TRDN: variants seen among roughly 807,000 people sequenced by gnomAD.
TRDN encodes triadin in skeletal muscle.
In TRDN, 161 loss-of-function variants were observed where a neutral mutation model predicts 149.7. The ratio of observed to expected loss-of-function variants is 1.08; its 90% CI spans 0.95 to 1.23. The LOEUF (loss-of-function observed/expected upper bound fraction) is 1.23, where lower values mean the gene tolerates loss of function less well. Among genes scored for constraint, TRDN ranks in the 50% most tolerant of loss-of-function variants. The pLI, the probability that TRDN is intolerant of heterozygous loss-of-function variation, is 0.00. For synonymous variants in TRDN, 294 were observed against 250.5 expected, an observed-to-expected ratio of 1.17 and a Z score of -1.64; for missense variants, 896 against 823.5, an observed-to-expected ratio of 1.09 and a Z score of -1.08.
chr6:123,362,706 G>A (rs1359297877), intron 20 of TRDN, among the ~76,000 whole-genome samples: 1 of 152,100 alleles, frequency 6.6e-6, no homozygotes, highest in East Asian at 1.9e-4. Flanking sequence ...TACCCTGATG[G>A]CTTTCAACCT....
At chr6:123,381,252 G>T in intron 16 of TRDN, 118 bp downstream of exon 16, 1 of 925,792 alleles carries the variant, frequency 1.1e-6, no homozygotes, top group Non-Finnish European at 1.6e-6. Flanking sequence ...AAACAACAGA[G>T]TTCACATGCA....
At chr6:123,283,943 CT>C (rs913892924) in intron 24 of TRDN, among the ~76,000 whole-genome samples, 2 of 121,828 alleles carry the variant, frequency 1.6e-5, no homozygotes, top group African/African-American at 6.5e-5. Context: ...CCATTTCAGT[CT>C]CTAAATGATG....
At chr6:123,552,300 A>G (rs1203332410) in intron 2 of TRDN, among the ~76,000 whole-genome samples, 6 of 152,046 alleles carry the variant, frequency 3.9e-5, no homozygotes, top group Admixed American at 1.3e-4. Context: ...TAAGATTTTT[A>G]TTTGTCCTCT....
chr6:123,266,129 AT>A (rs1262634294), intron 32 of TRDN, among the ~76,000 whole-genome samples: 4 of 117,126 alleles, frequency 3.4e-5, no homozygotes, highest in South Asian at 2.4e-4. Flanking sequence ...TATTATATAT[AT>A]TATAATATGT....
At chr6:123,519,737 A>AC (rs1239089472) in intron 5 of TRDN, among the ~76,000 whole-genome samples, 5 of 152,036 alleles carry the variant, frequency 3.3e-5, no homozygotes, top group African/African-American at 9.7e-5. Context: ...CAAAAAAAAA[A>AC]AATCAGATGG....
chr6:123,437,125 T>C (rs1195524096), intron 12 of TRDN, among the ~76,000 whole-genome samples: 1 of 151,970 alleles, frequency 6.6e-6, no homozygotes, highest in Admixed American at 6.5e-5. Flanking sequence ...TGTCAAATAG[T>C]TGAATAACCT....
intron 1 of TRDN, among the ~76,000 whole-genome samples, chr6:123,584,151 G>T (rs1393700963): frequency 6.6e-6 from 1 of 152,136 alleles, no homozygotes; most frequent in East Asian, 1.9e-4. Context: ...GTCGGGTGTG[G>T]TATCAGGAAT....
At position 123,218,639 on chromosome 6, in the gene TRDN, G is replaced by T. The variant is rs1359137304; in HGVS notation, c.2152C>A (p.Gln718Lys). Reference protein sequence around the residue: ...PADRPGESSGQANSPGQKQQG... With the variant: ...PADRPGESSGKANSPGQKQQG... ...TGCTTCTGTCCTGGAGAATTTGCTTGACCAGAGCTCTCTCCAGGGCGGTCT... is the reference window on the plus strand; with the variant it reads ...TGCTTCTGTCCTGGAGAATTTGCTTTACCAGAGCTCTCTCCAGGGCGGTCT... Residue 718 changes from glutamine (Q) to lysine (K), a missense_variant, in exon 41 of 41, where the codon CAA (glutamine) becomes AAA (lysine). Transcript: ENST00000334268. 1 of 1,611,598 alleles carries T rather than the reference G, an allele frequency of 6.2e-7. No individual in the cohort carries two copies. The highest frequency in any genetic ancestry group is 1.3e-5 in the African/African-American group (1 of 74,848).
At chr6:123,473,115 A>C (rs1321402457) in intron 9 of TRDN, among the ~76,000 whole-genome samples, 2 of 152,264 alleles carry the variant, frequency 1.3e-5, no homozygotes, top group Non-Finnish European at 1.5e-5. Context: ...ACAAGCTGAG[A>C]GAAGAAGGCT....
At chr6:123,469,616 C>A (rs867123862) in intron 9 of TRDN, 2 of 152,300 alleles carry the variant, frequency 1.3e-5, no homozygotes, top group Non-Finnish European at 2.9e-5. Context: ...CTGTACTTTG[C>A]GTTTCTTTTC....
Position 123,438,899 on chromosome 6 carries a change from G to C in TRDN, c.991+45C>G, listed in dbSNP as rs1719641616. 3 of 1,428,408 alleles carry C rather than the reference G, an allele frequency of 2.1e-6. No homozygotes were observed. In the South Asian group the frequency reaches 4.0e-5, roughly 19 times the overall value. The allele number at this position is 1,428,408 out of a possible 1,614,324, so 88.5% of individuals were successfully genotyped here. On this transcript the variant is annotated intron_variant, in intron 11 of 40. Transcript: ENST00000334268. ...TAGATTTACCAGTAGTATTATGCAT[G>C]GACACTAATTGATTTATGTGGTACA...
rs183856158 is a variant in TRDN, at chr6:123,571,689, A to T, written c.23-557T>A. ...AGTTTTAATCTCACCACCCAGAAAT[A>T]ACCACTGTTAATATTTTGCACGTAT... On this transcript the variant is annotated intron_variant, in intron 1 of 40. Coordinates refer to ENST00000334268, the MANE Select transcript of TRDN (RefSeq NM_006073.4). Among the ~76,000 whole-genome samples, 21 of 152,300 alleles carry T rather than the reference A, an allele frequency of 1.4e-4. No individual in the cohort carries two copies. In the East Asian group the frequency reaches 3.9e-3, roughly 28 times the overall value.
At chr6:123,613,411 A>T (rs1312319734) in intron 1 of TRDN, among the ~76,000 whole-genome samples, 1 of 152,212 alleles carries the variant, frequency 6.6e-6, no homozygotes, top group Admixed American at 6.5e-5. Context: ...ATCACTCTTA[A>T]CAGAAAGAGA....
intron 24 of TRDN, among the ~76,000 whole-genome samples, chr6:123,314,781 G>A (rs1405034701): frequency 6.6e-6 from 1 of 151,976 alleles, no homozygotes; most frequent in Non-Finnish European, 1.5e-5. Context: ...TTGTAAGCGG[G>A]AGCTAAATCA....
rs1170466883 is a variant in TRDN, at chr6:123,499,718, AAAT to A, written c.794-2469_794-2467del. ...GATTCTGGCTCAAAAAAAAAAAAAA[AAAT>A]ATATATATATATATATATATATAGT... is the stretch of plus-strand genomic sequence containing the variant. On this transcript the variant is annotated intron_variant, in intron 8 of 40. Transcript: ENST00000334268. Among the ~76,000 whole-genome samples the A allele has an allele frequency of 1.1e-3, 120 of 109,716 alleles. 1 individual carries two copies. The highest frequency in any genetic ancestry group is 4.0e-3 in the African/African-American group (118 of 29,440). 72.0% of individuals were successfully genotyped at this position (109,716 alleles called of 152,430 possible). A position where few individuals can be genotyped will look rare whatever the true frequency, so the allele number is the denominator to read the frequency against.
chr6:123,375,169 G>A (rs905864448), intron 19 of TRDN, among the ~76,000 whole-genome samples: 1 of 152,086 alleles, frequency 6.6e-6, no homozygotes, highest in Non-Finnish European at 1.5e-5. Context: ...CCTTAAAAGG[G>A]AATTGTCACA....
chr6:123,544,946 A>G (rs1327495826), intron 4 of TRDN, among the ~76,000 whole-genome samples: 1 of 151,976 alleles, frequency 6.6e-6, no homozygotes, highest in Non-Finnish European at 1.5e-5. Context: ...ATTATTCCAT[A>G]CCAAATTAAA....
intron 23 of TRDN, among the ~76,000 whole-genome samples, chr6:123,325,294 A>C (rs1216047380): frequency 6.6e-6 from 1 of 152,130 alleles, no homozygotes; most frequent in African/African-American, 2.4e-5. Context: ...ATTTCTCCTT[A>C]AAATACTTCA....
chr6:123,280,652 CTT>C (rs34195939), intron 24 of TRDN, among the ~76,000 whole-genome samples: 11 of 135,490 alleles, frequency 8.1e-5, no homozygotes, highest in Admixed American at 1.5e-4. Flanking sequence ...TCTTTTCTTT[CTT>C]TTTTTTTTTT....
Sources: allele counts gnomAD v4.1 joint callset (sites outside exome capture counted in the v4.1 genomes callset), GRCh38; gene constraint gnomAD v4.1.1; transcripts MANE v1.5; gene names NCBI Gene and HGNC (gene_info 2026-07-23, HGNC 2026-07-21).